The following CCDC57 variants were observed in gnomAD, a reference collection of about 807,000 sequenced individuals.
CCDC57 encodes the protein coiled-coil domain-containing protein 57.
CCDC57 carries 118 observed loss-of-function variants against 118.9 expected under a neutral mutation model. The ratio of observed to expected loss-of-function variants is 0.99; its 90% CI spans 0.86 to 1.16. The LOEUF (loss-of-function observed/expected upper bound fraction) is 1.16, where lower values mean the gene tolerates loss of function less well. Among genes scored for constraint, CCDC57 ranks in the 50% most tolerant of loss-of-function variants. CCDC57 has a pLI of 0.00. For synonymous variants in CCDC57, 527 were observed against 532.9 expected, an observed-to-expected ratio of 0.99 and a Z score of 0.15; for missense variants, 1,300 against 1,320.7, an observed-to-expected ratio of 0.98 and a Z score of 0.24.
At chr17:82,151,903 T>A (rs1157769241) in intron 15 of CCDC57, 130 bp from the exon 15 acceptor site, 1 of 694,788 alleles carries the variant, frequency 1.4e-6, no homozygotes, top group African/African-American at 1.8e-5. Flanking sequence ...CTGGGTGACA[T>A]CCTTCCAAAA....
chr17:82,205,141 C>G (rs139269356), intron 2 of CCDC57, among the ~76,000 whole-genome samples: 2 of 152,322 alleles, frequency 1.3e-5, no homozygotes, highest in Non-Finnish European at 2.9e-5. Context: ...AAGAATTGGA[C>G]TATCAGCAAA....
chr17:82,137,438 T>C (rs1041841650), intron 16 of CCDC57, among the ~76,000 whole-genome samples: 4 of 152,264 alleles, frequency 2.6e-5, no homozygotes, highest in East Asian at 1.9e-4. Context: ...TCCGTGCTTT[T>C]GTTGACTTAT....
chr17:82,158,293 G>A (rs2042912329), intron 14 of CCDC57, among the ~76,000 whole-genome samples: 1 of 152,150 alleles, frequency 6.6e-6, no homozygotes, highest in Admixed American at 6.5e-5. Flanking sequence ...CAAGTAACCG[G>A]TAGGAGGTGT....
At chr17:82,181,497 GC>G (rs2046204393) in intron 9 of CCDC57, among the ~76,000 whole-genome samples, 1 of 152,308 alleles carries the variant, frequency 6.6e-6, no homozygotes, top group African/African-American at 2.4e-5. Context: ...AAACAGCACA[GC>G]CAAAACCAGA....
intron 19 of CCDC57, among the ~76,000 whole-genome samples, chr17:82,115,722 C>G (rs921667508): frequency 6.6e-6 from 1 of 151,190 alleles, no homozygotes; most frequent in Admixed American, 6.6e-5. Flanking sequence ...GAGCTGAGAT[C>G]GCACCACTGC....
chr17:82,130,643 T>A (rs1444367010), intron 17 of CCDC57, among the ~76,000 whole-genome samples: 2 of 131,130 alleles, frequency 1.5e-5, no homozygotes, highest in Non-Finnish European at 3.3e-5. Context: ...GCTGGGATTA[T>A]AGGTGCCTGC....
At chr17:82,157,577 A>C in intron 15 of CCDC57, 171 bp downstream of exon 14, 3 of 1,434,760 alleles carry the variant, frequency 2.1e-6, no homozygotes, top group Non-Finnish European at 2.7e-6. Flanking sequence ...AGGCGGAGGA[A>C]TGGGGAGAGG....
At chr17:82,119,121 CA>C (rs1446150791) in intron 19 of CCDC57, among the ~76,000 whole-genome samples, 2 of 1,478 alleles carry the variant, frequency 1.4e-3, no homozygotes, top group African/African-American at 6.3e-3. Flanking sequence ...GGAGTGGGGG[CA>C]GGGGTGGGGG....
chr17:82,103,706 T>G (rs12150322), intron 19 of CCDC57, among the ~76,000 whole-genome samples: 73,348 of 151,966 alleles, frequency 0.48, 18,369 homozygotes, highest in Non-Finnish European at 0.54. Context: ...AAAAGTGAGC[T>G]GAGGGAGGGG....
At chr17:82,154,653 C>T (rs1256456919) in intron 15 of CCDC57, 1 of 149,850 alleles carries the variant, frequency 6.7e-6, no homozygotes, top group Non-Finnish European at 1.5e-5. Context: ...CAGATGATGC[C>T]CTGACACCGT....
intron 2 of CCDC57, among the ~76,000 whole-genome samples, chr17:82,202,338 C>T (rs1425428827): frequency 6.6e-6 from 1 of 151,328 alleles, no homozygotes; most frequent in Non-Finnish European, 1.5e-5. Flanking sequence ...TGTGGTGGCA[C>T]GTGCCTGTAG....
In CCDC57 at chr17:82,212,035, C is replaced by T. The variant is rs1158430705; in HGVS notation, c.-211+750G>A. On this transcript the variant is annotated intron_variant, in intron 1 of 19. Transcript: ENST00000665763. This position sits in a 1 kb window ranked among gnomAD's most constrained non-coding sequence, Gnocchi z 4.1. ...CTAGCCTCCCCTCCTCTATTTAGAC[C>T]AAGGTATCAAAAGAAATCTAGCCCC... 1.3e-5 allele frequency among the ~76,000 whole-genome samples: 2 copies of T among 152,176 alleles called. No homozygotes were observed. The highest frequency in any genetic ancestry group is 2.9e-5 in the Non-Finnish European group (2 of 68,032).
intron 19 of CCDC57, chr17:82,112,427 G>A (rs1036636196): frequency 6.6e-6 from 1 of 152,356 alleles, no homozygotes; most frequent in Non-Finnish European, 1.5e-5. Context: ...TGGAGCTTCA[G>A]TATGTCATGA....
rs529504864 is a variant in CCDC57 at position 82,183,376 on chromosome 17, G to T, written c.1211+398C>A. The stretch of plus-strand genomic sequence containing the variant: ...TTTGTTTTCCTTTTTGCAGAGATGG[G>T]GTCTCACTATGTTAACCAGGCTGGT... On this transcript the variant is annotated intron_variant, in intron 9 of 19. Transcript: ENST00000665763. Among the ~76,000 whole-genome samples the T allele has an allele frequency of 2.0e-5, 3 of 152,066 alleles. No homozygotes were observed. In the South Asian group the frequency reaches 6.2e-4, roughly 32 times the overall value.
In CCDC57 at chr17:82,127,016, C is replaced by T. The variant is rs113088442; in HGVS notation, c.2899+676G>A. ...AGCATCTGTTTCCCTCCCCCCTTCT[C>T]GCTACATCACAGACCCATGCAGTCC... is the stretch of plus-strand genomic sequence containing the variant. On this transcript the variant is annotated intron_variant, in intron 19 of 19. Coordinates refer to ENST00000665763, the Ensembl canonical transcript of CCDC57. 3.0e-3 allele frequency: 2,966 copies of T among 985,378 alleles called. 70 individuals carry two copies. The African/African-American group carries it at 0.046, about 15-fold the overall frequency. The allele number at this position is 985,378 out of a possible 1,614,324, so 61.0% of individuals were successfully genotyped here. A position where few individuals can be genotyped will look rare whatever the true frequency, so the allele number is the denominator to read the frequency against.
At chr17:82,142,249 AC>A (rs2040107782) in intron 16 of CCDC57, among the ~76,000 whole-genome samples, 2 of 152,154 alleles carry the variant, frequency 1.3e-5, no homozygotes. Flanking sequence ...TGTATTATGA[AC>A]CAGGATGAGC....
At chr17:82,135,656 G>T (rs1838146689) in intron 16 of CCDC57, among the ~76,000 whole-genome samples, 3 of 152,174 alleles carry the variant, frequency 2.0e-5, no homozygotes. Flanking sequence ...AGATGCACGT[G>T]TGGGCAAAAA....
At chr17:82,197,135 GAGACACAGCCCCTCGTGACTCCTGC>G (rs1221151368) in intron 4 of CCDC57, among the ~76,000 whole-genome samples, 22 of 139,690 alleles carry the variant, frequency 1.6e-4, no homozygotes, top group Non-Finnish European at 1.1e-4. Flanking sequence ...TGCACCTGCA[GAGACACAGCCCCTCGTGACTCCTGC>G]AGACGCAGCC....
At chr17:82,140,805 C>A (rs2039911080) in intron 16 of CCDC57, among the ~76,000 whole-genome samples, 1 of 152,084 alleles carries the variant, frequency 6.6e-6, no homozygotes, top group African/African-American at 2.4e-5. Flanking sequence ...GGCACAGCGC[C>A]TGGCTTGTAG....
Sources: allele counts gnomAD v4.1 joint callset (sites outside exome capture counted in the v4.1 genomes callset), GRCh38; gene constraint gnomAD v4.1.1; non-coding constraint Gnocchi (gnomAD v3.1); transcripts MANE v1.5; gene names NCBI Gene and HGNC (gene_info 2026-07-23, HGNC 2026-07-21).